Variants in DMAC2L observed in about 807,000 individuals in gnomAD.
DMAC2L encodes ATP synthase subunit s, mitochondrial.
A neutral mutation model predicts 22.5 loss-of-function variants in DMAC2L; 21 were observed. The ratio of observed to expected loss-of-function variants is 0.93; its 90% CI spans 0.66 to 1.34. The LOEUF is 1.34. Among genes scored for constraint, DMAC2L ranks in the 40% most tolerant of loss-of-function variants. DMAC2L has a pLI of 0.00. For synonymous variants in DMAC2L, 86 were observed against 89.5 expected, an observed-to-expected ratio of 0.96 and a Z score of 0.22; for missense variants, 239 against 246.5, an observed-to-expected ratio of 0.97 and a Z score of 0.20.
rs12886416 is a variant in DMAC2L at position 50,314,681 on chromosome 14, G to T, written c.-6+55G>T. 6.6e-6 allele frequency: 3 copies of T among 452,996 alleles called. No individual in the cohort carries two copies. The East Asian group carries it at 2.1e-4, about 31-fold the overall frequency. The allele number at this position is 452,996 out of a possible 1,614,324, so 28.1% of individuals were successfully genotyped here. A position where few individuals can be genotyped will look rare whatever the true frequency, so the allele number is the denominator to read the frequency against. On this transcript the variant is annotated intron_variant, in intron 2 of 5. Transcript: ENST00000557421. The stretch of plus-strand genomic sequence containing the variant: ...TTTTGAGACAGGGTTATGCTCTGTT[G>T]CCCAGGCTGGAGTGCAGTGGTGCAA...
chr14:50,317,161 A>T (rs2031873666), intron 2 of DMAC2L, among the ~76,000 whole-genome samples: 1 of 151,812 alleles, frequency 6.6e-6, no homozygotes, highest in Non-Finnish European at 1.5e-5. Context: ...TTGGTTAGGC[A>T]TATTCCTAAG....
chr14:50,319,435 C>A, intron 2 of DMAC2L: 1 of 1,358,636 alleles, frequency 7.4e-7, no homozygotes, highest in Non-Finnish European at 9.9e-7. Context: ...ATTCCAGAAC[C>A]ATGTAATGAT....
At chr14:50,322,746 GAA>G (rs1185118030) in intron 4 of DMAC2L, 27 bp downstream of exon 4, 1 of 1,613,850 alleles carries the variant, frequency 6.2e-7, no homozygotes. Context: ...TTTGCTAATA[GAA>G]AATGCAGATG....
rs965106537 is a variant in DMAC2L, at chr14:50,312,363, G to T, written c.-68G>T. On this transcript the variant is annotated 5_prime_UTR_variant, in exon 1 of 6. Transcript: ENST00000557421. ...GCCGCAGACGCGGGGACGCTGGCTC[G>T]CTCCCTCCCTCCCTCCCTCCGACGC... The T allele has an allele frequency of 3.1e-6, 2 of 637,664 alleles. No homozygotes were observed. The highest frequency in any genetic ancestry group is 5.4e-6 in the Non-Finnish European group (2 of 371,180). 39.5% of individuals were successfully genotyped at this position (637,664 alleles called of 1,614,324 possible). A position where few individuals can be genotyped will look rare whatever the true frequency, so the allele number is the denominator to read the frequency against.
Position 50,323,818 on chromosome 14 carries a change from A to T in DMAC2L, c.317-127A>T. On this transcript the variant is annotated intron_variant, in intron 4 of 5. Transcript: ENST00000557421. Reference sequence around the variant, plus strand: ...AGGGTGAGCAGTCATTCCAGTTTTCATGGAACTAAGAGGTTTCCCAGGACA... The same window carrying T: ...AGGGTGAGCAGTCATTCCAGTTTTCTTGGAACTAAGAGGTTTCCCAGGACA... The T allele has an allele frequency of 4.2e-6, 3 of 717,594 alleles. No individual in the cohort carries two copies. The South Asian group carries it at 5.9e-5, about 14-fold the overall frequency. The allele number at this position is 717,594 out of a possible 1,614,324, so 44.5% of individuals were successfully genotyped here.
chr14:50,311,657 T>C (rs1315547238), upstream of DMAC2L, among the ~76,000 whole-genome samples: 1 of 152,226 alleles, frequency 6.6e-6, no homozygotes, highest in Non-Finnish European at 1.5e-5. Flanking sequence ...TACTGTGTGC[T>C]AGGTCCTTTT....
At chr14:50,314,934 A>AC (rs2031634373) in intron 2 of DMAC2L, among the ~76,000 whole-genome samples, 1 of 150,750 alleles carries the variant, frequency 6.6e-6, no homozygotes, top group South Asian at 2.1e-4. Context: ...GAGCCACTGC[A>AC]CCCAGCCTAT....
chr14:50,312,114 C>G, upstream of DMAC2L: 1 of 1,609,700 alleles, frequency 6.2e-7, no homozygotes. Flanking sequence ...CGGGCCCGTC[C>G]GCAGGCACCA....
chr14:50,314,481 T>A (rs1374988238), intron 1 of DMAC2L, 110 bp from the exon 2 acceptor site: 1 of 454,200 alleles, frequency 2.2e-6, no homozygotes, highest in Non-Finnish European at 4.4e-6. Flanking sequence ...ATTCAACTGT[T>A]CACTCATTGA....
chr14:50,325,135 T>C (rs200586915), intron 5 of DMAC2L, among the ~76,000 whole-genome samples: 1 of 31,988 alleles, frequency 3.1e-5, no homozygotes, highest in Admixed American at 3.0e-4. Context: ...ATGTATCTAA[T>C]TAATGTAGTT....
chr14:50,320,495 A>G (rs566358964), intron 2 of DMAC2L, among the ~76,000 whole-genome samples: 1 of 152,318 alleles, frequency 6.6e-6, no homozygotes, highest in African/African-American at 2.4e-5. Flanking sequence ...GCCTCTTCTC[A>G]TGACTCACAT....
intron 2 of DMAC2L, among the ~76,000 whole-genome samples, chr14:50,316,706 G>C (rs980617937): frequency 6.6e-6 from 1 of 152,118 alleles, no homozygotes. Flanking sequence ...TTGGCTATAA[G>C]TATTTGGGTT....
intron 2 of DMAC2L, among the ~76,000 whole-genome samples, chr14:50,318,091 A>G (rs1425390123): frequency 6.6e-6 from 1 of 152,204 alleles, no homozygotes; most frequent in Non-Finnish European, 1.5e-5. Context: ...TCCCTGTATG[A>G]AACTCAATCA....
intron 1 of DMAC2L, chr14:50,313,102 G>A (rs753099725): frequency 2.7e-6 from 4 of 1,486,346 alleles, no homozygotes; most frequent in Non-Finnish European, 3.8e-6. Flanking sequence ...TGAGGGCGAT[G>A]GGCTGTGTAA....
Position 50,314,565 on chromosome 14 carries a change from G to A in DMAC2L, c.-41-26G>A, listed in dbSNP as rs1327961336. On this transcript the variant is annotated intron_variant, in intron 1 of 5. Transcript: ENST00000557421. ...TGTGAACATGAGTGTACAGCCTTTT[G>A]TGTGAACCTGTTTTTGTTTCTCTAG... 3 of 455,966 alleles carry A rather than the reference G, an allele frequency of 6.6e-6. No homozygotes were observed. In the Admixed American group the frequency reaches 7.0e-5, roughly 11 times the overall value. 28.2% of individuals were successfully genotyped at this position (455,966 alleles called of 1,614,324 possible). A position where few individuals can be genotyped will look rare whatever the true frequency, so the allele number is the denominator to read the frequency against.
intron 2 of DMAC2L, among the ~76,000 whole-genome samples, chr14:50,319,766 G>GA (rs1393684132): frequency 5.3e-5 from 8 of 152,146 alleles, no homozygotes; most frequent in Middle Eastern, 3.4e-3. Flanking sequence ...AAAACTAAAA[G>GA]AAAAAAATCT....
chr14:50,317,783 A>G (rs1051235395), intron 2 of DMAC2L, among the ~76,000 whole-genome samples: 182 of 150,260 alleles, frequency 1.2e-3, no homozygotes, highest in Admixed American at 1.5e-3. Flanking sequence ...AAAAAAAAAA[A>G]GGGGGGTGGT....
At position 50,322,278 on chromosome 14, in the gene DMAC2L, G is replaced by A. The variant is rs138226813; in HGVS notation, c.108-233G>A. Among the ~76,000 whole-genome samples the A allele has an allele frequency of 3.3e-5, 5 of 152,248 alleles. No homozygotes were observed. In the East Asian group the frequency reaches 7.7e-4, roughly 23 times the overall value. On this transcript the variant is annotated intron_variant, in intron 3 of 5. Coordinates refer to ENST00000557421, the MANE Select transcript of DMAC2L (RefSeq NM_001382507.1). ...TGATAAATTCATATAAAAATAATACGCCTTGACAGCGTTCACGTGGAAACA... is the reference window on the plus strand; with the variant it reads ...TGATAAATTCATATAAAAATAATACACCTTGACAGCGTTCACGTGGAAACA...
chr14:50,325,651 A>G lies in DMAC2L; in HGVS notation c.531A>G (p.Arg177=). Reference sequence around the variant, plus strand: ...TGTTAAGTGATCTTCCTGGAGTAAGAGAAAAAGAAAATCTTGTCCAAGCCT... The same window carrying G: ...TGTTAAGTGATCTTCCTGGAGTAAGGGAAAAAGAAAATCTTGTCCAAGCCT... The part of the protein sequence containing the change: ...YLLLSDLPGV[R]EKENLVQAFK... The change falls in exon 6 of 6, where the codon AGA becomes AGG. Residue 177 remains arginine (R), a synonymous_variant. Coordinates refer to ENST00000557421, the MANE Select transcript of DMAC2L (RefSeq NM_001382507.1). 6.2e-7 allele frequency: 1 copy of G among 1,612,998 alleles called. No individual in the cohort carries two copies. Among genetic ancestry groups the G allele is most frequent in the East Asian group, 2.2e-5 (1 of 44,744 alleles).
Sources: gnomAD v4.1 joint callset for allele counts (sites outside exome capture counted in the v4.1 genomes callset) on GRCh38, gnomAD v4.1.1 for gene constraint, MANE v1.5 for transcripts, NCBI Gene and HGNC (gene_info 2026-07-23, HGNC 2026-07-21) for gene names.